The following GLRA3 variants were observed in gnomAD, a reference collection of about 807,000 sequenced individuals.
GLRA3 encodes the protein glycine receptor alpha 3, also known as glycine receptor subunit alpha-3.
In GLRA3, 44 loss-of-function variants were observed where a neutral mutation model predicts 60.4. The ratio of observed to expected loss-of-function variants is 0.73; its 90% confidence interval spans 0.57 to 0.94. GLRA3 has a LOEUF of 0.94. GLRA3 is among the 40% of genes least tolerant of loss of function. GLRA3 has a pLI of 0.00. For missense variants in GLRA3, 508 were observed against 564.6 expected, an observed-to-expected ratio of 0.90 and a Z score of 1.02; for synonymous variants, 223 against 192.9, an observed-to-expected ratio of 1.16 and a Z score of -1.29.
chr4:174,666,892 G>A (rs1196077917), intron 7 of GLRA3, among the ~76,000 whole-genome samples: 2 of 151,490 alleles, frequency 1.3e-5, no homozygotes, highest in Non-Finnish European at 2.9e-5. Context: ...AGATTTCTCC[G>A]TATCTACCCC....
At chr4:174,655,847 C>T (rs1225506253) in intron 9 of GLRA3, among the ~76,000 whole-genome samples, 3 of 151,988 alleles carry the variant, frequency 2.0e-5, no homozygotes, top group Non-Finnish European at 2.9e-5. Context: ...GTAGCAAGTA[C>T]TTTAAAATAA....
At chr4:174,739,075 T>C (rs1414923902) in intron 3 of GLRA3, among the ~76,000 whole-genome samples, 1 of 152,242 alleles carries the variant, frequency 6.6e-6, no homozygotes, top group African/African-American at 2.4e-5. Flanking sequence ...ATGTTTGTTT[T>C]GTATAAACCA....
chr4:174,822,912 T>C (rs1740800246), intron 1 of GLRA3, among the ~76,000 whole-genome samples: 1 of 152,160 alleles, frequency 6.6e-6, no homozygotes, highest in African/African-American at 2.4e-5. Flanking sequence ...AGTAAGGAGA[T>C]TCTGAAAAAA....
intron 3 of GLRA3, among the ~76,000 whole-genome samples, chr4:174,755,865 A>T (rs953689384): frequency 2.0e-5 from 3 of 152,114 alleles, no homozygotes; most frequent in Non-Finnish European, 4.4e-5. Flanking sequence ...AATATCTATC[A>T]GAACGAATAA....
rs553159490 is a variant in GLRA3 at position 174,688,318 on chromosome 4, CATAT to C, written c.575-5383_575-5380del. On this transcript the variant is annotated intron_variant, in intron 5 of 9. Transcript: ENST00000274093. ...CATAGTACTTATCCTTACCTGACAT[CATAT>C]ATATATATATATATATATATATATA... is the stretch of plus-strand genomic sequence containing the variant. Among the ~76,000 whole-genome samples, 175 of 34,802 alleles carry C rather than the reference CATAT, an allele frequency of 5.0e-3. 4 individuals are homozygous for C. Among genetic ancestry groups the C allele is most frequent in the East Asian group, 0.015 (11 of 712 alleles). 22.8% of individuals were successfully genotyped at this position (34,802 alleles called of 152,430 possible).
Position 174,639,366 on chromosome 4 carries a change from ATGTGTATG to A in GLRA3, c.*4412_*4419del, listed in dbSNP as rs758007637. ...TAAAGGAATTCATCTCATTACCAAT[ATGTGTATG>A]TGTGTGTGTGTGTGTGTGTGTGTGT... On this transcript the variant is annotated 3_prime_UTR_variant, in exon 10 of 10. Coordinates refer to ENST00000274093, the MANE Select transcript of GLRA3 (RefSeq NM_006529.4). 6.4e-4 allele frequency: 59 copies of A among 91,676 alleles called. 1 individual carries two copies. The highest frequency in any genetic ancestry group is 2.0e-3 in the South Asian group (4 of 1,984). 5.7% of individuals were successfully genotyped at this position (91,676 alleles called of 1,614,324 possible).
intron 1 of GLRA3, among the ~76,000 whole-genome samples, chr4:174,815,163 C>A (rs541645592): frequency 6.6e-6 from 1 of 152,320 alleles, no homozygotes; most frequent in East Asian, 1.9e-4. Flanking sequence ...GGCAATCAAA[C>A]CTCAAAGCTC....
At chr4:174,744,273 G>C (rs6840689) in intron 3 of GLRA3, among the ~76,000 whole-genome samples, 24,090 of 152,242 alleles carry the variant, frequency 0.16, 2,494 homozygotes, top group African/African-American at 0.3. Flanking sequence ...ACCTAAGAAC[G>C]CAATCACCTA....
In GLRA3 at chr4:174,643,781, GA is replaced by G; in HGVS notation, c.*4del. 9.9e-6 allele frequency: 16 copies of G among 1,609,766 alleles called. No individual in the cohort carries two copies. The highest frequency in any genetic ancestry group is 1.3e-5 in the Non-Finnish European group (15 of 1,177,066). Reference sequence around the variant, plus strand: ...GACCATTTGCATTTGCATGCCCCCAGAGACTTAATCTTGCTGCTGATGAATA... The same window carrying G: ...GACCATTTGCATTTGCATGCCCCCAGGACTTAATCTTGCTGCTGATGAATA... On this transcript the variant is annotated 3_prime_UTR_variant, in exon 10 of 10. Coordinates refer to ENST00000274093, the MANE Select transcript of GLRA3 (RefSeq NM_006529.4).
intron 7 of GLRA3, among the ~76,000 whole-genome samples, chr4:174,659,820 A>C (rs1231925501): frequency 6.6e-6 from 1 of 151,976 alleles, no homozygotes; most frequent in Non-Finnish European, 1.5e-5. Context: ...AAAAATACAA[A>C]AATTAGCCGG....
At chr4:174,745,790 GAAAA>G (rs551704368) in intron 3 of GLRA3, among the ~76,000 whole-genome samples, 1 of 138,970 alleles carries the variant, frequency 7.2e-6, no homozygotes, top group Admixed American at 7.3e-5. Context: ...AACTCAATAG[GAAAA>G]AAAAAAAAAG....
At chr4:174,820,426 C>T (rs1740698084) in intron 1 of GLRA3, among the ~76,000 whole-genome samples, 1 of 152,142 alleles carries the variant, frequency 6.6e-6, no homozygotes, top group African/African-American at 2.4e-5. Context: ...GCATGCTAGA[C>T]ACTCTTTTAA....
intron 2 of GLRA3, among the ~76,000 whole-genome samples, chr4:174,767,612 T>C (rs1001546963): frequency 1.3e-5 from 2 of 152,088 alleles, no homozygotes; most frequent in African/African-American, 4.8e-5. Flanking sequence ...GTGAGCTTAG[T>C]GGTAAACTAA....
chr4:174,815,296 T>A (rs1740443531), intron 1 of GLRA3, among the ~76,000 whole-genome samples: 1 of 152,166 alleles, frequency 6.6e-6, no homozygotes, highest in African/African-American at 2.4e-5. Flanking sequence ...TCCTGGCTGT[T>A]TTCATGGGCT....
Position 174,643,652 on chromosome 4 carries a change from C to T in GLRA3, c.*134G>A, listed in dbSNP as rs1048011359. The T allele has an allele frequency of 1.4e-6, 2 of 1,396,838 alleles. No individual in the cohort carries two copies. Among genetic ancestry groups the T allele is most frequent in the Admixed American group, 5.1e-5 (2 of 39,398 alleles). The allele number at this position is 1,396,838 out of a possible 1,614,324, so 86.5% of individuals were successfully genotyped here. A position where few individuals can be genotyped will look rare whatever the true frequency, so the allele number is the denominator to read the frequency against. ...TGACTTTGCATAGCTAACCAAAATA[C>T]AAAGCTTTTCCATATGCCATTTTAA... is the stretch of plus-strand genomic sequence containing the variant. On this transcript the variant is annotated 3_prime_UTR_variant, in exon 10 of 10. Transcript: ENST00000274093.
At position 174,677,172 on chromosome 4, in the gene GLRA3, T is replaced by G. The variant is rs1167131015; in HGVS notation, c.833A>C (p.Asn278Thr). The G allele has an allele frequency of 6.2e-7, 1 of 1,613,260 alleles. No homozygotes were observed. Among genetic ancestry groups the G allele is most frequent in the Non-Finnish European group, 8.5e-7 (1 of 1,179,242 alleles). Residue 278 changes from asparagine to threonine, a missense_variant, in exon 7 of 10, where the codon AAC (asparagine) becomes ACC (threonine). Physicochemically the swap from Asn to Thr is moderately conservative, Grantham distance 65 (BLOSUM62 0). This residue lies in a region of GLRA3 where 329 missense variants were observed against 349.3 expected (regional missense o/e 0.94). Coordinates refer to ENST00000274093, the MANE Select transcript of GLRA3 (RefSeq NM_006529.4). ...VILSWVSFWINMDAAPARVAL... is the reference protein window; with the variant it reads ...VILSWVSFWITMDAAPARVAL... ...TACCCTGGCCGGTGCTGCATCCATG[T>G]TGATCCAGAATGAAACCCAGGATAG...
At chr4:174,749,259 C>T (rs1258800763) in intron 3 of GLRA3, among the ~76,000 whole-genome samples, 1 of 152,100 alleles carries the variant, frequency 6.6e-6, no homozygotes, top group Non-Finnish European at 1.5e-5. Context: ...TATAATCCTC[C>T]TCCCCCAGCT....
rs1740790552 is a variant in GLRA3 at position 174,822,749 on chromosome 4, T to C, written c.71+5992A>G. ...TTTGTATGTACTCATGGAGAATTCT[T>C]CATCGCTTACATCGGAAATGCTTCC... On this transcript the variant is annotated intron_variant, in intron 1 of 9. Coordinates refer to ENST00000274093, the MANE Select transcript of GLRA3 (RefSeq NM_006529.4). 2.6e-5 allele frequency among the ~76,000 whole-genome samples: 4 copies of C among 152,210 alleles called. No individual in the cohort carries two copies. The South Asian group carries it at 8.3e-4, about 32-fold the overall frequency.
intron 7 of GLRA3, among the ~76,000 whole-genome samples, chr4:174,671,394 T>TA (rs1733902457): frequency 6.6e-6 from 1 of 152,144 alleles, no homozygotes; most frequent in East Asian, 1.9e-4. Flanking sequence ...GGTTTTTTTT[T>TA]AGAAGAATAA....
Sources: allele counts gnomAD v4.1 joint callset (sites outside exome capture counted in the v4.1 genomes callset), GRCh38; gene constraint gnomAD v4.1.1; regional missense constraint gnomAD v4.1.1; transcripts MANE v1.5; gene names NCBI Gene and HGNC (gene_info 2026-07-23, HGNC 2026-07-21).